LYN: variants seen among roughly 807,000 people sequenced by gnomAD.
The protein encoded by LYN is tyrosine-protein kinase Lyn.
In LYN, 12 loss-of-function variants were observed where a neutral mutation model predicts 65.0. The observed-to-expected ratio is 0.18, with a 90% confidence interval of 0.12 to 0.30. LYN has a LOEUF of 0.30. Ranked by LOEUF, LYN falls within the 10% of genes least tolerant of loss-of-function variation. LYN has a pLI of 1.00. For synonymous variants in LYN, 222 were observed against 221.2 expected (o/e 1.00, Z -0.03); for missense variants, 380 against 623.2 (o/e 0.61, Z 4.16).
At chr8:55,960,839 C>G (rs1807251305) in intron 8 of LYN, among the ~76,000 whole-genome samples, 1 of 152,026 alleles carries the variant, frequency 6.6e-6, no homozygotes, top group South Asian at 2.1e-4. Flanking sequence ...GTGACCTGTT[C>G]TTTGGGGGAA....
intron 1 of LYN, among the ~76,000 whole-genome samples, chr8:55,882,898 GTGTGCTCAATT>G (rs2130344041): frequency 6.6e-6 from 1 of 152,288 alleles, no homozygotes; most frequent in African/African-American, 2.4e-5. Flanking sequence ...GACTTGTAGT[GTGTGCTCAATT>G]ACAAATGCCT....
At chr8:55,963,795 C>T (rs1002440213) in intron 8 of LYN, among the ~76,000 whole-genome samples, 4 of 152,118 alleles carry the variant, frequency 2.6e-5, no homozygotes, top group African/African-American at 9.7e-5. Flanking sequence ...ATCCTGGATG[C>T]AAGTTCCTTG....
At chr8:55,919,803 C>T (rs1347734737) in intron 1 of LYN, among the ~76,000 whole-genome samples, 2 of 151,542 alleles carry the variant, frequency 1.3e-5, no homozygotes, top group Admixed American at 6.6e-5. Flanking sequence ...AGCAGTTGAA[C>T]GTGCATTGGC....
At chr8:55,897,769 C>T (rs1805157711) in intron 1 of LYN, among the ~76,000 whole-genome samples, 1 of 151,990 alleles carries the variant, frequency 6.6e-6, no homozygotes, top group Middle Eastern at 3.4e-3. Context: ...AAAAATTAGC[C>T]AAGAGTGGTG....
chr8:55,991,758 C>A, intron 10 of LYN, among the ~76,000 whole-genome samples: 1 of 152,184 alleles, frequency 6.6e-6, no homozygotes. Flanking sequence ...GGTGCACCCC[C>A]ACATGCTCCC....
intron 1 of LYN, among the ~76,000 whole-genome samples, chr8:55,902,362 CTG>C (rs1161104493): frequency 1.4e-5 from 2 of 143,308 alleles, no homozygotes; most frequent in African/African-American, 5.2e-5. Flanking sequence ...GAATTTCGCT[CTG>C]TAGCCCAGAT....
chr8:55,883,174 G>T (rs1384853206), intron 1 of LYN, among the ~76,000 whole-genome samples: 2 of 152,234 alleles, frequency 1.3e-5, no homozygotes, highest in African/African-American at 4.8e-5. Context: ...TGAAATGGTT[G>T]TATGGGTACT....
At chr8:55,915,081 C>T (rs1006179892) in intron 1 of LYN, among the ~76,000 whole-genome samples, 2 of 152,180 alleles carry the variant, frequency 1.3e-5, no homozygotes, top group Non-Finnish European at 2.9e-5. Flanking sequence ...GGGCTGATGA[C>T]GCTGCTTGTA....
In LYN at chr8:55,911,102, T is replaced by TGTATATATATAC. The variant is rs1554576165; in HGVS notation, c.-5-30753_-5-30752insGTATATATATAC. On this transcript the variant is annotated intron_variant, in intron 1 of 12. Coordinates refer to ENST00000519728, the MANE Select transcript of LYN (RefSeq NM_002350.4). ...ACATACATATATATATATATATACA[T>TGTATATATATAC]ACACGTATATATACGTATATATATA... Among the ~76,000 whole-genome samples the TGTATATATATAC allele has an allele frequency of 2.0e-3, 57 of 28,840 alleles. 15 individuals are homozygous for TGTATATATATAC. Among genetic ancestry groups the TGTATATATATAC allele is most frequent in the African/African-American group, 6.3e-3 (47 of 7,450 alleles). 18.9% of individuals were successfully genotyped at this position (28,840 alleles called of 152,430 possible).
intron 1 of LYN, among the ~76,000 whole-genome samples, chr8:55,894,363 T>C (rs531048018): frequency 1.5e-3 from 180 of 117,560 alleles, no homozygotes; most frequent in African/African-American, 4.9e-3. Context: ...CTGTGCCAGA[T>C]TAACTTTCTT....
intron 1 of LYN, among the ~76,000 whole-genome samples, chr8:55,933,414 A>G (rs73606874): frequency 0.02 from 3,107 of 152,362 alleles, 100 homozygotes; most frequent in African/African-American, 0.07. Context: ...CAGTCCCACA[A>G]TAAGTATTCT....
At chr8:55,888,072 G>A (rs886488425) in intron 1 of LYN, among the ~76,000 whole-genome samples, 3 of 152,188 alleles carry the variant, frequency 2.0e-5, no homozygotes, top group African/African-American at 4.8e-5. Context: ...GAGCTGATGC[G>A]CTGTAAATGT....
intron 10 of LYN, among the ~76,000 whole-genome samples, chr8:55,981,791 G>C (rs7004280): frequency 0.058 from 8,874 of 152,250 alleles, 388 homozygotes; most frequent in African/African-American, 0.12. Context: ...TGAAATAAAA[G>C]TGAGAAAAGA....
At chr8:55,914,529 C>T (rs1805732031) in intron 1 of LYN, among the ~76,000 whole-genome samples, 1 of 152,108 alleles carries the variant, frequency 6.6e-6, no homozygotes, top group Non-Finnish European at 1.5e-5. Flanking sequence ...GACTAGGGGC[C>T]TGGGTAGGTC....
chr8:55,898,016 T>G (rs1331525549), intron 1 of LYN, among the ~76,000 whole-genome samples: 1 of 152,176 alleles, frequency 6.6e-6, no homozygotes, highest in Non-Finnish European at 1.5e-5. Flanking sequence ...ACTTTTTATG[T>G]TTTTTAAATC....
At chr8:55,928,892 GT>G (rs1288424890) in intron 1 of LYN, among the ~76,000 whole-genome samples, 2 of 152,110 alleles carry the variant, frequency 1.3e-5, no homozygotes, top group Admixed American at 6.5e-5. Flanking sequence ...TCTCCTAGGA[GT>G]TTTATAGTTT....
chr8:55,965,250 G>C (rs1346910374), intron 8 of LYN, among the ~76,000 whole-genome samples: 1 of 152,190 alleles, frequency 6.6e-6, no homozygotes, highest in East Asian at 1.9e-4. Flanking sequence ...TCCATGCGGT[G>C]TAAGAGGCTA....
intron 1 of LYN, among the ~76,000 whole-genome samples, chr8:55,892,546 A>T (rs1358978892): frequency 6.6e-6 from 1 of 152,188 alleles, no homozygotes; most frequent in Non-Finnish European, 1.5e-5. Context: ...ATAAGAAAGT[A>T]TCTTTCTTTT....
chr8:55,936,555 G>A (rs1806442980), intron 1 of LYN, among the ~76,000 whole-genome samples: 1 of 152,134 alleles, frequency 6.6e-6, no homozygotes, highest in African/African-American at 2.4e-5. Flanking sequence ...CAGAAGAATT[G>A]CTTGGGCCCG....
Sources: allele counts gnomAD v4.1 joint callset (sites outside exome capture counted in the v4.1 genomes callset), GRCh38; gene constraint gnomAD v4.1.1; transcripts MANE v1.5; gene names NCBI Gene and HGNC (gene_info 2026-07-23, HGNC 2026-07-21).